The following PREX1 variants were observed in gnomAD, a reference collection of about 807,000 sequenced individuals.
PREX1 encodes the protein phosphatidylinositol-3,4,5-trisphosphate dependent Rac exchange factor 1.
In PREX1, 41 loss-of-function variants were observed where a neutral mutation model predicts 198.3. The observed-to-expected ratio is 0.21, with a 90% confidence interval of 0.16 to 0.27. The LOEUF (loss-of-function observed/expected upper bound fraction) is 0.27. PREX1 is among the 10% of genes least tolerant of loss of function. The probability of loss-of-function intolerance (pLI) is 1.00; values close to 1 mark genes in which losing one functional copy is unlikely to be tolerated. For synonymous variants in PREX1, 843 were observed against 887.2 expected, an observed-to-expected ratio of 0.95 and a Z score of 0.89; for missense variants, 1,620 against 2,200.7, an observed-to-expected ratio of 0.74 and a Z score of 5.28.
chr20:48,792,821 C>T (rs1160102135), intron 1 of PREX1, among the ~76,000 whole-genome samples: 26 of 141,616 alleles, frequency 1.8e-4, no homozygotes, highest in Non-Finnish European at 3.7e-4. Context: ...AAAAAATACA[C>T]ACACACACAC....
intron 1 of PREX1, among the ~76,000 whole-genome samples, chr20:48,765,924 G>C (rs1396153868): frequency 6.6e-6 from 1 of 152,072 alleles, no homozygotes; most frequent in African/African-American, 2.4e-5. Flanking sequence ...CCTGAGCTCC[G>C]CCTCCTGTCA....
chr20:48,825,574 A>C (rs964209409), intron 1 of PREX1, among the ~76,000 whole-genome samples: 7 of 152,074 alleles, frequency 4.6e-5, no homozygotes, highest in African/African-American at 1.7e-4. Flanking sequence ...CCTACTCTAC[A>C]CGTGGACGAT....
intron 1 of PREX1, among the ~76,000 whole-genome samples, chr20:48,787,428 A>T (rs2090318199): frequency 6.6e-6 from 1 of 152,092 alleles, no homozygotes; most frequent in African/African-American, 2.4e-5. Flanking sequence ...CACACATTAC[A>T]AGTGTTTGAA....
At chr20:48,873,012 A>G in the PREX1 span, among the ~76,000 whole-genome samples, 137 of 152,050 alleles carry the variant, frequency 9.0e-4, no homozygotes, top group Non-Finnish European at 1.4e-3. Flanking sequence ...CTTTGGCTAC[A>G]TAACAAACTC....
At chr20:48,870,432 C>T in the PREX1 span, among the ~76,000 whole-genome samples, 4 of 152,222 alleles carry the variant, frequency 2.6e-5, no homozygotes, top group African/African-American at 9.6e-5. Flanking sequence ...TCTATGGCTG[C>T]ACCTGATCCG....
At chr20:48,778,357 T>C (rs376031477) in intron 1 of PREX1, among the ~76,000 whole-genome samples, 74 of 150,650 alleles carry the variant, frequency 4.9e-4, no homozygotes, top group African/African-American at 1.8e-3. Context: ...GCAGATCACT[T>C]GAGGTGAGGA....
chr20:48,810,841 C>T (rs1037386247), intron 1 of PREX1, among the ~76,000 whole-genome samples: 4 of 151,902 alleles, frequency 2.6e-5, no homozygotes, highest in African/African-American at 7.3e-5. Flanking sequence ...GAGCTGAGAT[C>T]GCACCACTGC....
chr20:48,675,848 C>T (rs1229282263), intron 14 of PREX1, among the ~76,000 whole-genome samples: 1 of 152,090 alleles, frequency 6.6e-6, no homozygotes, highest in East Asian at 1.9e-4. Flanking sequence ...ACCAGCCTGG[C>T]CAACACAGTG....
At chr20:48,692,862 G>A in intron 7 of PREX1, 72 bp from the exon 8 acceptor site, 6 of 1,292,970 alleles carry the variant, frequency 4.6e-6, no homozygotes, top group African/African-American at 1.5e-5. Flanking sequence ...ACAGCGCAAA[G>A]GGGAACACAA....
the PREX1 span, among the ~76,000 whole-genome samples, chr20:48,852,252 C>T: frequency 2.0e-5 from 3 of 151,994 alleles, no homozygotes; most frequent in Admixed American, 6.6e-5. Context: ...GTTCCTAAAC[C>T]TGGTGAAATC....
intron 9 of PREX1, among the ~76,000 whole-genome samples, chr20:48,689,883 C>T (rs1321021510): frequency 1.3e-5 from 2 of 152,178 alleles, no homozygotes; most frequent in African/African-American, 4.8e-5. Flanking sequence ...AGGATGGTGG[C>T]TTGTCTTGGG....
the PREX1 span, among the ~76,000 whole-genome samples, chr20:48,841,107 T>C: frequency 6.6e-6 from 1 of 151,902 alleles, no homozygotes; most frequent in African/African-American, 2.4e-5. Flanking sequence ...GTTTTGCAGA[T>C]ACGGGGTTTC....
chr20:48,696,838 A>G (rs1186407341), intron 7 of PREX1, among the ~76,000 whole-genome samples: 1 of 152,104 alleles, frequency 6.6e-6, no homozygotes, highest in Non-Finnish European at 1.5e-5. Context: ...TCCAGACTCA[A>G]GCAGATATCA....
chr20:48,694,074 G>T (rs1013279369), intron 7 of PREX1, among the ~76,000 whole-genome samples: 4 of 151,848 alleles, frequency 2.6e-5, no homozygotes, highest in African/African-American at 9.7e-5. Flanking sequence ...ACCATGGCCG[G>T]GTAATTTTTG....
Position 48,639,786 on chromosome 20 carries a change from T to C in PREX1, c.3884A>G (p.Asn1295Ser). ...LPNSIKTLVD[N>S]IQRYVEDGKN... Reference sequence around the variant, plus strand: ...CCGACCTTCCACATATCTCTGAATGTTGTCCACCAGGGTCTTGATGGAGTT... The same window carrying C: ...CCGACCTTCCACATATCTCTGAATGCTGTCCACCAGGGTCTTGATGGAGTT... The change falls in exon 30 of 40, where the codon AAC becomes AGC. Residue 1295 changes from asparagine (N) to serine (S), a missense_variant. This residue lies in a region of PREX1 where 476 missense variants were observed against 603.4 expected (regional missense o/e 0.79). Coordinates refer to ENST00000371941, the MANE Select transcript of PREX1 (RefSeq NM_020820.4). The C allele has an allele frequency of 6.2e-7, 1 of 1,614,074 alleles. No individual in the cohort carries two copies. The highest frequency in any genetic ancestry group is 8.5e-7 in the Non-Finnish European group (1 of 1,179,976).
chr20:48,737,301 C>T (rs1243302185), intron 3 of PREX1, among the ~76,000 whole-genome samples: 1 of 145,758 alleles, frequency 6.9e-6, no homozygotes, highest in Non-Finnish European at 1.5e-5. Context: ...GGGAAAGCAT[C>T]GGGAGGGTCC....
At chr20:48,857,891 A>G in the PREX1 span, among the ~76,000 whole-genome samples, 2 of 152,254 alleles carry the variant, frequency 1.3e-5, no homozygotes, top group African/African-American at 2.4e-5. Flanking sequence ...AGCCATGCCC[A>G]GAGCCAGGTA....
chr20:48,859,968 A>AG, the PREX1 span, among the ~76,000 whole-genome samples: 2 of 152,222 alleles, frequency 1.3e-5, no homozygotes, highest in Non-Finnish European at 2.9e-5. Context: ...CAGTGAGCTG[A>AG]GATTGCACCA....
At chr20:48,729,801 C>T (rs1345537773) in intron 4 of PREX1, among the ~76,000 whole-genome samples, 1 of 152,180 alleles carries the variant, frequency 6.6e-6, no homozygotes, top group Non-Finnish European at 1.5e-5. Flanking sequence ...AATGGTGTTC[C>T]CCAAAATGCC....
Sources: allele counts gnomAD v4.1 joint callset (sites outside exome capture counted in the v4.1 genomes callset), GRCh38; gene constraint gnomAD v4.1.1; regional missense constraint gnomAD v4.1.1; transcripts MANE v1.5; gene names NCBI Gene and HGNC (gene_info 2026-07-23, HGNC 2026-07-21).